JARID2: variants seen among roughly 807,000 people sequenced by gnomAD.
JARID2 encodes jumonji and AT-rich interaction domain containing 2.
In JARID2, 21 loss-of-function variants were observed where a neutral mutation model predicts 125.6. The ratio of observed to expected loss-of-function variants is 0.17; its 90% CI spans 0.12 to 0.24. The LOEUF is 0.24. JARID2 is among the 10% of genes least tolerant of loss of function. The probability of loss-of-function intolerance (pLI) is 1.00; values close to 1 mark genes in which losing one functional copy is unlikely to be tolerated. For missense variants in JARID2, 1,303 were observed against 1,639.6 expected (o/e 0.79, Z 3.55); for synonymous variants, 736 against 661.6 (o/e 1.11, Z -1.73).
intron 1 of JARID2, among the ~76,000 whole-genome samples, chr6:15,323,776 T>TC (rs1762434961): frequency 6.6e-6 from 1 of 152,072 alleles, no homozygotes; most frequent in African/African-American, 2.4e-5. Flanking sequence ...GCGCCTGTAA[T>TC]CCCAGCTACT....
intron 4 of JARID2, among the ~76,000 whole-genome samples, chr6:15,455,563 A>G (rs1768125041): frequency 6.6e-6 from 1 of 151,982 alleles, no homozygotes. Flanking sequence ...ACAGAGTCTC[A>G]CTCTGTCGCC....
At position 15,487,244 on chromosome 6, in the gene JARID2, C is replaced by G. The variant is rs1769915972; in HGVS notation, c.671-63C>G. ...GTGGGGACACAGAGCCAAACCATAT[C>G]AGTAGTTTGCGTGGTAGTGGTCAAG... On this transcript the variant is annotated intron_variant, in intron 5 of 17. Coordinates refer to ENST00000341776, the MANE Select transcript of JARID2 (RefSeq NM_004973.4). The G allele has an allele frequency of 2.9e-6, 4 of 1,363,492 alleles. No individual in the cohort carries two copies. In the South Asian group the frequency reaches 3.8e-5, roughly 13 times the overall value. 84.5% of individuals were successfully genotyped at this position (1,363,492 alleles called of 1,614,324 possible). A position where few individuals can be genotyped will look rare whatever the true frequency, so the allele number is the denominator to read the frequency against.
intron 1 of JARID2, among the ~76,000 whole-genome samples, chr6:15,307,846 G>T (rs1255468217): frequency 3.3e-5 from 5 of 152,170 alleles, no homozygotes; most frequent in Non-Finnish European, 7.3e-5. Context: ...CATCTAATTT[G>T]CAGAGTTCAT....
intron 1 of JARID2, among the ~76,000 whole-genome samples, chr6:15,267,760 A>C (rs1300251367): frequency 2.6e-5 from 4 of 152,062 alleles, no homozygotes; most frequent in East Asian, 3.9e-4. Context: ...GTAGATATGC[A>C]GTAGGGGGTT....
chr6:15,306,044 T>C (rs1194443232), intron 1 of JARID2, among the ~76,000 whole-genome samples: 2 of 151,862 alleles, frequency 1.3e-5, no homozygotes, highest in Non-Finnish European at 2.9e-5. Flanking sequence ...ACCAAATCTA[T>C]CTTTCTAAAC....
chr6:15,397,014 C>T (rs962234915), intron 2 of JARID2, among the ~76,000 whole-genome samples: 1 of 152,200 alleles, frequency 6.6e-6, no homozygotes, highest in African/African-American at 2.4e-5. Context: ...CAAAGTTCAG[C>T]ACTGTTGGTG....
In JARID2 at chr6:15,291,545, C is replaced by A. The variant is rs533253439; in HGVS notation, c.45+44961C>A. Among the ~76,000 whole-genome samples, 4 of 152,146 alleles carry A rather than the reference C, an allele frequency of 2.6e-5. No homozygotes were observed. The South Asian group carries it at 8.3e-4, about 32-fold the overall frequency. On this transcript the variant is annotated intron_variant, in intron 1 of 17. Transcript: ENST00000341776. ...GGAGTTTCTTGGATGAGAGGAGGAG[C>A]CTTGGCCCTGCAGTGAAGGGATGCT...
At chr6:15,422,028 TAGAA>T (rs2127588999) in intron 3 of JARID2, among the ~76,000 whole-genome samples, 2 of 152,284 alleles carry the variant, frequency 1.3e-5, no homozygotes, top group South Asian at 4.1e-4. Flanking sequence ...GAGCGATGGA[TAGAA>T]AGGGGAAAAG....
At chr6:15,334,565 T>C (rs1762817669) in intron 1 of JARID2, among the ~76,000 whole-genome samples, 1 of 152,152 alleles carries the variant, frequency 6.6e-6, no homozygotes, top group Non-Finnish European at 1.5e-5. Flanking sequence ...GCATACTCCT[T>C]TTACCATGTG....
chr6:15,512,971 G>A lies in JARID2; in HGVS notation c.3192G>A (p.Gln1064=), dbSNP rs770675176. 3 of 1,613,840 alleles carry A rather than the reference G, an allele frequency of 1.9e-6. No individual in the cohort carries two copies. Among genetic ancestry groups the A allele is most frequent in the Admixed American group, 1.7e-5 (1 of 60,006 alleles). Residue 1064 remains glutamine, a synonymous_variant, in exon 15 of 18, where the codon CAG becomes CAA. Transcript: ENST00000341776. ...KPFSMEKLLY[Q]IAQAEAKKEN... Reference sequence around the variant, plus strand: ...TCTCCATGGAGAAGTTACTCTACCAGATTGCACAAGCAGAAGCAAAAAAAG... The same window carrying A: ...TCTCCATGGAGAAGTTACTCTACCAAATTGCACAAGCAGAAGCAAAAAAAG...
At chr6:15,432,446 CAAA>C (rs1214257576) in intron 3 of JARID2, among the ~76,000 whole-genome samples, 5 of 72,890 alleles carry the variant, frequency 6.9e-5, no homozygotes, top group South Asian at 1.1e-3. Flanking sequence ...CTCTCACCTT[CAAA>C]AACAACAACA....
intron 1 of JARID2, among the ~76,000 whole-genome samples, chr6:15,364,679 A>G (rs1369406104): frequency 6.6e-6 from 1 of 152,228 alleles, no homozygotes; most frequent in African/African-American, 2.4e-5. Flanking sequence ...AGTAACACAT[A>G]AGGCACATAA....
intron 1 of JARID2, among the ~76,000 whole-genome samples, chr6:15,370,175 G>A (rs932744784): frequency 6.6e-6 from 1 of 151,836 alleles, no homozygotes; most frequent in Non-Finnish European, 1.5e-5. Flanking sequence ...TTAGGAGCTG[G>A]GATACAGTGG....
At chr6:15,455,208 AC>A (rs1232102670) in intron 4 of JARID2, among the ~76,000 whole-genome samples, 3 of 149,906 alleles carry the variant, frequency 2.0e-5, no homozygotes, top group Non-Finnish European at 1.5e-5. Context: ...AAAAAAAAAA[AC>A]AATGGTGATA....
intron 12 of JARID2, 40 bp downstream of exon 12, chr6:15,508,494 A>G (rs752070723): frequency 2.9e-6 from 3 of 1,048,484 alleles, no homozygotes; most frequent in Non-Finnish European, 3.0e-6. Flanking sequence ...GGACTGCAGA[A>G]ACTACTATTA....
In JARID2 at chr6:15,496,614, G is replaced by A. The variant is rs1465922634; in HGVS notation, c.1389G>A (p.Ala463=). ...PQSPPKKMKG[A]AGPAEGPGKK... ...CGCCCCCCAAGAAGATGAAAGGGGC[G>A]GCTGGCCCCGCCGAAGGCCCTGGCA... Residue 463 remains alanine, a synonymous_variant, in exon 7 of 18, where the codon GCG becomes GCA. Coordinates refer to ENST00000341776, the MANE Select transcript of JARID2 (RefSeq NM_004973.4). 15 of 1,606,860 alleles carry A rather than the reference G, an allele frequency of 9.3e-6. No homozygotes were observed. The highest frequency in any genetic ancestry group is 4.0e-5 in the African/African-American group (3 of 74,540).
At chr6:15,330,197 C>T (rs965933918) in intron 1 of JARID2, among the ~76,000 whole-genome samples, 16 of 152,224 alleles carry the variant, frequency 1.1e-4, no homozygotes, top group African/African-American at 3.1e-4. Context: ...ATTCACAAAA[C>T]GAGTCTTTGT....
chr6:15,298,377 T>C (rs1761487142), intron 1 of JARID2, among the ~76,000 whole-genome samples: 1 of 152,082 alleles, frequency 6.6e-6, no homozygotes, highest in Non-Finnish European at 1.5e-5. Flanking sequence ...ATTGCTACAG[T>C]GAGAACTCAG....
chr6:15,371,162 CT>C (rs1764154117), intron 1 of JARID2, among the ~76,000 whole-genome samples: 1 of 152,198 alleles, frequency 6.6e-6, no homozygotes, highest in Non-Finnish European at 1.5e-5. Flanking sequence ...CTTAAATGCG[CT>C]TCCTTTCTTG....
Sources: allele counts gnomAD v4.1 joint callset (sites outside exome capture counted in the v4.1 genomes callset), GRCh38; gene constraint gnomAD v4.1.1; transcripts MANE v1.5; gene names NCBI Gene and HGNC (gene_info 2026-07-23, HGNC 2026-07-21).